The following RNF150 variants were observed in gnomAD, a reference collection of about 807,000 sequenced individuals.
RNF150 encodes the protein ring finger protein 150.
RNF150 carries 24 observed loss-of-function variants against 39.3 expected under a neutral mutation model. That is an observed-to-expected ratio of 0.61 (90% confidence interval 0.44 to 0.86). The LOEUF (loss-of-function observed/expected upper bound fraction) is 0.86, where lower values mean the gene tolerates loss of function less well. Among genes scored for constraint, RNF150 ranks in the 40% least tolerant of loss-of-function variants. The probability of loss-of-function intolerance (pLI) is 0.00; values close to 1 mark genes in which losing one functional copy is unlikely to be tolerated. For synonymous variants in RNF150, 255 were observed against 227.3 expected, an observed-to-expected ratio of 1.12 and a Z score of -1.10; for missense variants, 502 against 587.8, an observed-to-expected ratio of 0.85 and a Z score of 1.51.
At chr4:141,183,937 T>C (rs1411228568) in intron 1 of RNF150, among the ~76,000 whole-genome samples, 1 of 152,230 alleles carries the variant, frequency 6.6e-6, no homozygotes, top group Non-Finnish European at 1.5e-5. Flanking sequence ...TTCCAAGTCT[T>C]TGTTATTGTA....
intron 1 of RNF150, among the ~76,000 whole-genome samples, chr4:141,154,507 G>A (rs1025990517): frequency 1.3e-5 from 2 of 152,200 alleles, no homozygotes; most frequent in African/African-American, 4.8e-5. Flanking sequence ...GGCTGGGGAA[G>A]AGTTGAGAAG....
chr4:141,166,586 T>TTG (rs1207051572), intron 1 of RNF150, among the ~76,000 whole-genome samples: 1 of 152,196 alleles, frequency 6.6e-6, no homozygotes, highest in Admixed American at 6.5e-5. Context: ...TCAAAAAGCT[T>TTG]ATCCACTCAT....
intron 6 of RNF150, among the ~76,000 whole-genome samples, chr4:140,905,726 AC>A (rs1730348867): frequency 1.1e-4 from 2 of 17,808 alleles, no homozygotes; most frequent in Non-Finnish European, 6.3e-4. Context: ...TGTAGGTTGG[AC>A]TCAGCAAAAA....
chr4:141,191,518 G>A (rs1015875267), intron 1 of RNF150, among the ~76,000 whole-genome samples: 3 of 152,122 alleles, frequency 2.0e-5, no homozygotes, highest in Non-Finnish European at 4.4e-5. Context: ...TGTACATTTT[G>A]TCATATTTCC....
intron 1 of RNF150, among the ~76,000 whole-genome samples, chr4:141,101,455 T>C (rs1317334109): frequency 6.6e-6 from 1 of 152,202 alleles, no homozygotes; most frequent in African/African-American, 2.4e-5. Flanking sequence ...ATAACATGCA[T>C]GGAGCTGTCA....
chr4:141,167,117 T>C (rs1229644761), intron 1 of RNF150, among the ~76,000 whole-genome samples: 5 of 152,050 alleles, frequency 3.3e-5, no homozygotes, highest in Non-Finnish European at 7.4e-5. Context: ...AAAATCAATA[T>C]GCAAAAATCA....
At chr4:141,048,643 G>A (rs1736668576) in intron 1 of RNF150, among the ~76,000 whole-genome samples, 1 of 152,108 alleles carries the variant, frequency 6.6e-6, no homozygotes, top group East Asian at 1.9e-4. Flanking sequence ...TGAGGCAGGA[G>A]GATCCCTTGA....
chr4:140,869,644 G>A (rs17006568), intron 6 of RNF150, among the ~76,000 whole-genome samples: 4,656 of 152,274 alleles, frequency 0.031, 75 homozygotes, highest in South Asian at 0.05. Flanking sequence ...GGTATTACAG[G>A]AGCAGGTAAG....
At chr4:140,949,730 T>C (rs1389781644) in intron 2 of RNF150, among the ~76,000 whole-genome samples, 1 of 151,728 alleles carries the variant, frequency 6.6e-6, no homozygotes, top group Admixed American at 6.6e-5. Flanking sequence ...ACTCAATTTG[T>C]GACACAGAGA....
At chr4:141,179,106 C>T (rs1055321144) in intron 1 of RNF150, among the ~76,000 whole-genome samples, 6 of 152,154 alleles carry the variant, frequency 3.9e-5, no homozygotes, top group Non-Finnish European at 8.8e-5. Context: ...ATATTAAGAT[C>T]TCGTATTTGT....
intron 6 of RNF150, among the ~76,000 whole-genome samples, chr4:140,884,123 CTGTT>C (rs1303003477): frequency 6.6e-6 from 1 of 151,978 alleles, no homozygotes; most frequent in East Asian, 1.9e-4. Flanking sequence ...TCTTGAATTT[CTGTT>C]TGTTTCTTCT....
chr4:140,922,797 G>C (rs1034213370), intron 5 of RNF150, among the ~76,000 whole-genome samples: 9 of 151,530 alleles, frequency 5.9e-5, no homozygotes, highest in Admixed American at 2.0e-4. Context: ...ACAGAACAGA[G>C]CCCTCAGAAA....
intron 1 of RNF150, among the ~76,000 whole-genome samples, chr4:140,976,782 T>C (rs1306712676): frequency 5.9e-5 from 9 of 152,098 alleles, no homozygotes; most frequent in Admixed American, 5.9e-4. Flanking sequence ...CCATGGAACC[T>C]GCCCTACAAA....
At chr4:140,916,913 C>G (rs1488885136) in intron 5 of RNF150, among the ~76,000 whole-genome samples, 1 of 152,188 alleles carries the variant, frequency 6.6e-6, no homozygotes, top group African/African-American at 2.4e-5. Context: ...AAAGAATTTT[C>G]AACCCAGAAT....
At chr4:140,940,889 G>A (rs960343682) in intron 4 of RNF150, among the ~76,000 whole-genome samples, 1 of 152,184 alleles carries the variant, frequency 6.6e-6, no homozygotes, top group Admixed American at 6.5e-5. Flanking sequence ...CCATTTTGCT[G>A]TACACTGTTG....
intron 1 of RNF150, among the ~76,000 whole-genome samples, chr4:141,159,705 G>A (rs1727478305): frequency 6.6e-6 from 1 of 152,006 alleles, no homozygotes; most frequent in Admixed American, 6.6e-5. Context: ...ACCACACCTG[G>A]CTAATTTTTG....
At position 140,941,353 on chromosome 4, in the gene RNF150, A is replaced by C. The variant is rs537847580; in HGVS notation, c.890+6301T>G. Among the ~76,000 whole-genome samples the C allele has an allele frequency of 2.6e-5, 4 of 151,950 alleles. No homozygotes were observed. In the South Asian group the frequency reaches 8.3e-4, roughly 32 times the overall value. The stretch of plus-strand genomic sequence containing the variant: ...CAAGTTTGCTAAGATTGCTTCTTAG[A>C]GTAATCTCCAATAAAAACAATGGCA... On this transcript the variant is annotated intron_variant, in intron 4 of 6. Transcript: ENST00000515673.
intron 1 of RNF150, among the ~76,000 whole-genome samples, chr4:141,104,185 C>T (rs1219783984): frequency 6.6e-6 from 1 of 152,062 alleles, no homozygotes; most frequent in African/African-American, 2.4e-5. Context: ...TGTTCAGAGG[C>T]TGCTGCTCTG....
rs796570251 is a variant in RNF150, at chr4:141,073,665, G to GA, written c.484+58659_484+58660insT. Among the ~76,000 whole-genome samples the GA allele has an allele frequency of 7.8e-5, 9 of 116,056 alleles. No individual in the cohort carries two copies. The East Asian group carries it at 1.3e-3, about 17-fold the overall frequency. 76.1% of individuals were successfully genotyped at this position (116,056 alleles called of 152,430 possible). Reference sequence around the variant, plus strand: ...AGCAATTAATACAATATCAAGCTCGGGGGGGGAAGTCTAGGGAAAAATGGC... The same window carrying GA: ...AGCAATTAATACAATATCAAGCTCGGAGGGGGGAAGTCTAGGGAAAAATGGC... On this transcript the variant is annotated intron_variant, in intron 1 of 6. Coordinates refer to ENST00000515673, the MANE Select transcript of RNF150 (RefSeq NM_020724.2).
Sources: allele counts gnomAD v4.1 joint callset (sites outside exome capture counted in the v4.1 genomes callset), GRCh38; gene constraint gnomAD v4.1.1; transcripts MANE v1.5; gene names NCBI Gene and HGNC (gene_info 2026-07-23, HGNC 2026-07-21).